Variants in RNF216 observed in about 807,000 individuals in gnomAD.
RNF216 encodes the protein ring finger protein 216, also known as E3 ubiquitin-protein ligase RNF216.
In RNF216, 72 loss-of-function variants were observed where a neutral mutation model predicts 110.8. The observed-to-expected ratio is 0.65, with a 90% confidence interval of 0.54 to 0.79. The LOEUF (loss-of-function observed/expected upper bound fraction) is 0.79. RNF216 is among the 30% of genes least tolerant of loss of function. The pLI is 0.00. For missense variants in RNF216, 1,342 were observed against 1,141.2 expected (o/e 1.18, Z -2.54); for synonymous variants, 495 against 407.5 (o/e 1.21, Z -2.59).
At chr7:5,734,039 G>A (rs554979321) in intron 5 of RNF216, among the ~76,000 whole-genome samples, 3 of 152,046 alleles carry the variant, frequency 2.0e-5, no homozygotes, top group Admixed American at 6.6e-5. Flanking sequence ...CAAAAAGAAA[G>A]TATTTTAAAA....
intron 14 of RNF216, among the ~76,000 whole-genome samples, chr7:5,647,486 A>T (rs995818224): frequency 2.0e-5 from 3 of 151,628 alleles, no homozygotes; most frequent in African/African-American, 7.3e-5. Context: ...GGCACGTGCC[A>T]CCATGCCTGG....
Position 5,716,752 on chromosome 7 carries a change from C to T in RNF216, c.1659G>A (p.Leu553=), listed in dbSNP as rs768922237. Residue 553 remains leucine, a synonymous_variant, in exon 10 of 17, where the codon TTG becomes TTA. Transcript: ENST00000389902. ...GTTCTTCATTCATCTGTAGGGCAAG[C>T]AAAAAGTCTTCATGCTGAAGAACAA... ...IKEMAEHEDF[L]LALQMNEEQY... is the part of the protein sequence containing the mutation. 2 of 1,605,454 alleles carry T rather than the reference C, an allele frequency of 1.2e-6. No homozygotes were observed. Among genetic ancestry groups the T allele is most frequent in the Non-Finnish European group, 8.5e-7 (1 of 1,175,580 alleles).
chr7:5,780,759 G>T (rs1797038919), intron 1 of RNF216, among the ~76,000 whole-genome samples: 1 of 152,104 alleles, frequency 6.6e-6, no homozygotes, highest in Admixed American at 6.5e-5. Flanking sequence ...CTCTTTGCAC[G>T]ATCTAAGTAC....
intron 13 of RNF216, among the ~76,000 whole-genome samples, chr7:5,663,337 T>G (rs1279922281): frequency 6.6e-6 from 1 of 152,010 alleles, no homozygotes; most frequent in Non-Finnish European, 1.5e-5. Flanking sequence ...TCCCAGCACT[T>G]TGGGAGGCCG....
intron 13 of RNF216, among the ~76,000 whole-genome samples, chr7:5,660,360 C>T (rs1001495639): frequency 3.8e-5 from 5 of 131,278 alleles, no homozygotes; most frequent in South Asian, 2.5e-4. Context: ...GGCGCAATCT[C>T]GGCTCACTGC....
chr7:5,638,609 T>C (rs1000259568), intron 15 of RNF216, among the ~76,000 whole-genome samples: 1 of 151,538 alleles, frequency 6.6e-6, no homozygotes, highest in Admixed American at 6.6e-5. Context: ...CTCCAACAGA[T>C]TGTGGCCAGG....
At chr7:5,705,671 G>T (rs544049326) in intron 13 of RNF216, among the ~76,000 whole-genome samples, 1 of 152,280 alleles carries the variant, frequency 6.6e-6, no homozygotes, top group South Asian at 2.1e-4. Flanking sequence ...CACTTTGGGA[G>T]GCCAAGGCAG....
At chr7:5,769,255 C>T (rs550438672) in intron 1 of RNF216, among the ~76,000 whole-genome samples, 1 of 151,668 alleles carries the variant, frequency 6.6e-6, no homozygotes, top group Non-Finnish European at 1.5e-5. Flanking sequence ...GTAGCTGGGA[C>T]TACAGGCGTG....
At chr7:5,705,407 T>C (rs1364801801) in intron 13 of RNF216, among the ~76,000 whole-genome samples, 1 of 152,166 alleles carries the variant, frequency 6.6e-6, no homozygotes, top group East Asian at 1.9e-4. Flanking sequence ...ATGCAACATA[T>C]CACCTTCTAA....
intron 13 of RNF216, among the ~76,000 whole-genome samples, chr7:5,709,858 G>A (rs187321602): frequency 1.5e-4 from 23 of 152,302 alleles, no homozygotes; most frequent in African/African-American, 5.5e-4. Flanking sequence ...GGGCTCAACT[G>A]ATTGTCCTGC....
At chr7:5,679,434 G>T (rs1790512530) in intron 13 of RNF216, among the ~76,000 whole-genome samples, 1 of 152,260 alleles carries the variant, frequency 6.6e-6, no homozygotes, top group Non-Finnish European at 1.5e-5. Context: ...CAGGCGCTGA[G>T]CGCACTGGTG....
chr7:5,781,208 G>A (rs887351089), intron 1 of RNF216, among the ~76,000 whole-genome samples: 4 of 152,152 alleles, frequency 2.6e-5, no homozygotes, highest in Non-Finnish European at 5.9e-5. Flanking sequence ...CTCGGGCCCG[G>A]GGGAGGGAAG....
intron 1 of RNF216, among the ~76,000 whole-genome samples, chr7:5,762,248 C>T (rs999755981): frequency 6.6e-6 from 1 of 151,982 alleles, no homozygotes; most frequent in Non-Finnish European, 1.5e-5. Flanking sequence ...TACAGCCAGG[C>T]GTGGTGGCTC....
At chr7:5,778,387 G>T (rs1219639930) in intron 1 of RNF216, among the ~76,000 whole-genome samples, 1 of 152,108 alleles carries the variant, frequency 6.6e-6, no homozygotes. Flanking sequence ...TTATCCCCTA[G>T]ATGTTCCTCC....
chr7:5,711,533 A>T (rs1792689554), intron 13 of RNF216, among the ~76,000 whole-genome samples: 1 of 152,238 alleles, frequency 6.6e-6, no homozygotes, highest in African/African-American at 2.4e-5. Context: ...AGATGATATA[A>T]AATAGGAATC....
At chr7:5,701,418 C>T (rs1328159053) in intron 13 of RNF216, among the ~76,000 whole-genome samples, 5 of 152,154 alleles carry the variant, frequency 3.3e-5, no homozygotes, top group East Asian at 1.9e-4. Context: ...CTAGGATCTC[C>T]GTTCATCTCC....
intron 15 of RNF216, among the ~76,000 whole-genome samples, chr7:5,625,442 T>C (rs568775168): frequency 1.6e-3 from 251 of 152,234 alleles, no homozygotes; most frequent in African/African-American, 5.6e-3. Context: ...TCAGTTTGGA[T>C]TTTTTCATGC....
chr7:5,746,412 G>C (rs1795032414), intron 3 of RNF216, among the ~76,000 whole-genome samples: 1 of 152,200 alleles, frequency 6.6e-6, no homozygotes, highest in Admixed American at 6.5e-5. Flanking sequence ...AGAAATGTGG[G>C]TGCAACTCCA....
chr7:5,712,017 C>A, intron 12 of RNF216, 178 bp from the exon 13 acceptor site: 1 of 597,264 alleles, frequency 1.7e-6, no homozygotes, highest in Non-Finnish European at 3.0e-6. Flanking sequence ...TGGCTCTTAT[C>A]AGGAAACATA....
Sources: gnomAD v4.1 joint callset for allele counts (sites outside exome capture counted in the v4.1 genomes callset) on GRCh38, gnomAD v4.1.1 for gene constraint, MANE v1.5 for transcripts, NCBI Gene and HGNC (gene_info 2026-07-23, HGNC 2026-07-21) for gene names.